NELL1: variants seen among roughly 807,000 people sequenced by gnomAD.
The protein encoded by NELL1 is protein kinase C-binding protein NELL1.
In NELL1, 76 loss-of-function variants were observed where a neutral mutation model predicts 107.4. That is an observed-to-expected ratio of 0.71 (90% CI 0.59 to 0.86). NELL1 has a LOEUF of 0.86. Ranked by LOEUF, NELL1 falls within the 40% of genes least tolerant of loss-of-function variation. The pLI, the probability that NELL1 is intolerant of heterozygous loss-of-function variation, is 0.00. For missense variants in NELL1, 1,024 were observed against 1,005.5 expected (o/e 1.02, Z -0.25); for synonymous variants, 353 against 341.2 (o/e 1.03, Z -0.38).
chr11:21,189,539 T>A (rs1565102516), intron 13 of NELL1, among the ~76,000 whole-genome samples: 1 of 151,780 alleles, frequency 6.6e-6, no homozygotes, highest in Non-Finnish European at 1.5e-5. Flanking sequence ...AGACAAGGCA[T>A]GTGCATGTAT....
intron 2 of NELL1, among the ~76,000 whole-genome samples, chr11:20,736,601 A>G (rs1404043739): frequency 1.3e-5 from 2 of 152,124 alleles, no homozygotes; most frequent in Admixed American, 1.3e-4. Flanking sequence ...AAAATACAGC[A>G]TTACTTTATT....
At chr11:21,064,679 G>A (rs1853826262) in intron 12 of NELL1, among the ~76,000 whole-genome samples, 1 of 152,166 alleles carries the variant, frequency 6.6e-6, no homozygotes, top group African/African-American at 2.4e-5. Context: ...AAGTGGGGAA[G>A]AGTGGAGGGT....
intron 5 of NELL1, among the ~76,000 whole-genome samples, chr11:20,897,828 C>G (rs1044097877): frequency 1.3e-5 from 2 of 152,182 alleles, no homozygotes; most frequent in East Asian, 1.9e-4. Context: ...TGCTCATCAT[C>G]CCTGGCCATC....
At chr11:21,275,218 A>C (rs1848827963) in intron 14 of NELL1, among the ~76,000 whole-genome samples, 1 of 152,214 alleles carries the variant, frequency 6.6e-6, no homozygotes, top group Admixed American at 6.5e-5. Context: ...TAAAGGGGAT[A>C]TCACCACCGA....
At chr11:20,978,821 C>A (rs1203512615) in intron 12 of NELL1, among the ~76,000 whole-genome samples, 4 of 152,056 alleles carry the variant, frequency 2.6e-5, no homozygotes, top group Non-Finnish European at 5.9e-5. Context: ...TTTAGGTTAC[C>A]CTGCAAAATC....
intron 15 of NELL1, among the ~76,000 whole-genome samples, chr11:21,497,954 A>G (rs997051607): frequency 1.3e-5 from 2 of 151,980 alleles, no homozygotes; most frequent in Non-Finnish European, 2.9e-5. Context: ...TCTGATATCA[A>G]TATTACTACT....
intron 9 of NELL1, among the ~76,000 whole-genome samples, chr11:20,933,296 T>C (rs1233340278): frequency 1.3e-5 from 2 of 152,204 alleles, no homozygotes; most frequent in East Asian, 1.9e-4. Context: ...TCCACAGGTA[T>C]TGTTTTGCAT....
intron 2 of NELL1, among the ~76,000 whole-genome samples, chr11:20,703,010 G>A (rs2133883946): frequency 6.6e-6 from 1 of 152,256 alleles, no homozygotes; most frequent in Middle Eastern, 3.4e-3. Context: ...GATGATGCTG[G>A]CCTTATAAAG....
At chr11:21,140,392 G>A (rs182662694) in intron 13 of NELL1, among the ~76,000 whole-genome samples, 1 of 152,344 alleles carries the variant, frequency 6.6e-6, no homozygotes, top group East Asian at 1.9e-4. Flanking sequence ...GAATACAAAT[G>A]TGAGAGTTTA....
chr11:21,130,923 A>ATGGT (rs66956943), intron 13 of NELL1, among the ~76,000 whole-genome samples: 1 of 151,418 alleles, frequency 6.6e-6, no homozygotes, highest in Non-Finnish European at 1.5e-5. Context: ...GCAACAGGTA[A>ATGGT]TAGACTGGTG....
intron 3 of NELL1, among the ~76,000 whole-genome samples, chr11:20,796,247 C>T (rs1276544383): frequency 1.3e-5 from 2 of 152,198 alleles, no homozygotes; most frequent in Admixed American, 6.5e-5. Context: ...AAATGGAATG[C>T]ATTCTGTAAT....
chr11:21,559,382 G>A (rs1856797889), intron 16 of NELL1, among the ~76,000 whole-genome samples: 1 of 152,084 alleles, frequency 6.6e-6, no homozygotes, highest in African/African-American at 2.4e-5. Flanking sequence ...TGCCTTTTGG[G>A]GAAGGACTTA....
intron 17 of NELL1, among the ~76,000 whole-genome samples, chr11:21,567,207 G>A (rs551590471): frequency 6.6e-6 from 1 of 151,940 alleles, no homozygotes; most frequent in South Asian, 2.1e-4. Flanking sequence ...ATGGTTTTGT[G>A]TTGTAGCTAT....
chr11:20,944,917 A>G (rs1850932120), intron 10 of NELL1, among the ~76,000 whole-genome samples: 1 of 152,210 alleles, frequency 6.6e-6, no homozygotes, highest in African/African-American at 2.4e-5. Context: ...TTTGTGAATG[A>G]TTATTTTTAA....
chr11:21,421,404 C>G (rs1053557015), intron 15 of NELL1, among the ~76,000 whole-genome samples: 2 of 152,164 alleles, frequency 1.3e-5, no homozygotes, highest in African/African-American at 4.8e-5. Flanking sequence ...CACCTCAACT[C>G]TGTGGCACAT....
intron 13 of NELL1, among the ~76,000 whole-genome samples, chr11:21,134,967 T>C (rs1293867397): frequency 1.3e-5 from 2 of 152,226 alleles, no homozygotes; most frequent in Admixed American, 6.5e-5. Flanking sequence ...AAGTATTAAA[T>C]AATCAGTGTA....
intron 12 of NELL1, among the ~76,000 whole-genome samples, chr11:20,980,678 A>G (rs745376149): frequency 2.0e-5 from 3 of 152,220 alleles, no homozygotes; most frequent in Non-Finnish European, 2.9e-5. Flanking sequence ...ATTTATCTCT[A>G]AAATTCTGTC....
intron 12 of NELL1, among the ~76,000 whole-genome samples, chr11:20,995,328 T>A (rs536579350): frequency 6.6e-6 from 1 of 152,194 alleles, no homozygotes; most frequent in African/African-American, 2.4e-5. Context: ...ACACCTGTAA[T>A]CCCAGCACTT....
chr11:21,161,299 A>G (rs528513071), intron 13 of NELL1, among the ~76,000 whole-genome samples: 58 of 152,316 alleles, frequency 3.8e-4, no homozygotes, highest in African/African-American at 1.3e-3. Flanking sequence ...GCACCTTGGG[A>G]GGCTGAGACA....
Sources: allele counts gnomAD v4.1 joint callset (sites outside exome capture counted in the v4.1 genomes callset), GRCh38; gene constraint gnomAD v4.1.1; transcripts MANE v1.5; gene names NCBI Gene and HGNC (gene_info 2026-07-23, HGNC 2026-07-21).